CTNNA3: variants seen among roughly 807,000 people sequenced by gnomAD.
CTNNA3 encodes the protein catenin alpha-3.
In CTNNA3, 76 loss-of-function variants were observed where a neutral mutation model predicts 95.7. The ratio of observed to expected loss-of-function variants is 0.79; its 90% confidence interval spans 0.66 to 0.96. CTNNA3 has a LOEUF of 0.96. CTNNA3 is among the 40% of genes least tolerant of loss of function. The pLI is 0.00. For missense variants in CTNNA3, 1,191 were observed against 1,089.8 expected (o/e 1.09, Z -1.31); for synonymous variants, 431 against 374.4 (o/e 1.15, Z -1.74).
chr10:67,239,618 T>C lies in CTNNA3; in HGVS notation c.580-19748A>G, dbSNP rs907210031. Reference sequence around the variant, plus strand: ...TCATTGAACTGTTTATTTCACACTATGCATTTTTCTGAATGTATGTTATAC... The same window carrying C: ...TCATTGAACTGTTTATTTCACACTACGCATTTTTCTGAATGTATGTTATAC... On this transcript the variant is annotated intron_variant, in intron 5 of 17. Transcript: ENST00000433211. Among the ~76,000 whole-genome samples the C allele has an allele frequency of 2.0e-5, 3 of 152,306 alleles. No individual in the cohort carries two copies. The East Asian group carries it at 5.8e-4, about 29-fold the overall frequency.
At chr10:66,276,325 T>C (rs1412712055) in intron 13 of CTNNA3, among the ~76,000 whole-genome samples, 1 of 152,130 alleles carries the variant, frequency 6.6e-6, no homozygotes, top group Non-Finnish European at 1.5e-5. Context: ...ATGCCCGTTA[T>C]AGGAAAAATT....
chr10:67,034,729 T>C (rs969380774), intron 7 of CTNNA3, among the ~76,000 whole-genome samples: 2 of 152,214 alleles, frequency 1.3e-5, no homozygotes, highest in East Asian at 1.9e-4. Context: ...AAACTGACTC[T>C]CTAGTGGCTG....
chr10:66,911,335 C>T (rs191005796), intron 7 of CTNNA3, among the ~76,000 whole-genome samples: 143 of 152,102 alleles, frequency 9.4e-4, no homozygotes, highest in African/African-American at 3.2e-3. Context: ...TTTTGGATGG[C>T]GAGATCATGG....
chr10:67,416,054 A>G (rs758184346), intron 5 of CTNNA3, among the ~76,000 whole-genome samples: 48 of 152,144 alleles, frequency 3.2e-4, no homozygotes, highest in Non-Finnish European at 6.6e-4. Flanking sequence ...CTAGAAGAAA[A>G]CCCAGGAAAT....
At chr10:66,978,083 CACACACACAT>C (rs1478834933) in intron 7 of CTNNA3, among the ~76,000 whole-genome samples, 8 of 151,620 alleles carry the variant, frequency 5.3e-5, no homozygotes, top group African/African-American at 1.5e-4. Context: ...CACACACACA[CACACACACAT>C]GCGATGACGT....
chr10:66,387,558 C>T (rs761217822), intron 11 of CTNNA3, among the ~76,000 whole-genome samples: 9 of 152,198 alleles, frequency 5.9e-5, no homozygotes, highest in Non-Finnish European at 1.0e-4. Flanking sequence ...GGATCTAGAA[C>T]TAGAATTACC....
At chr10:66,752,872 TG>T (rs1839206573) in intron 9 of CTNNA3, among the ~76,000 whole-genome samples, 1 of 151,428 alleles carries the variant, frequency 6.6e-6, no homozygotes, top group Non-Finnish European at 1.5e-5. Flanking sequence ...ACACACACAC[TG>T]TATGAACAAG....
intron 3 of CTNNA3, among the ~76,000 whole-genome samples, chr10:67,584,997 C>T (rs1398134165): frequency 1.3e-5 from 2 of 152,204 alleles, no homozygotes; most frequent in African/African-American, 4.8e-5. Flanking sequence ...AGTGAATTCC[C>T]CAAGCCCTTG....
At chr10:67,322,445 TAGCTCCCACTTATA>T (rs1330823936) in intron 5 of CTNNA3, among the ~76,000 whole-genome samples, 2 of 152,168 alleles carry the variant, frequency 1.3e-5, no homozygotes. Context: ...TCTCATCATT[TAGCTCCCACTTATA>T]AGTGAGAACA....
chr10:66,806,918 C>T (rs1425745281), intron 7 of CTNNA3, among the ~76,000 whole-genome samples: 2 of 151,798 alleles, frequency 1.3e-5, no homozygotes, highest in Admixed American at 1.3e-4. Context: ...TTGAGAGAGA[C>T]ATCTATGTTG....
intron 11 of CTNNA3, among the ~76,000 whole-genome samples, chr10:66,461,585 A>G (rs1208964501): frequency 6.6e-6 from 1 of 151,562 alleles, no homozygotes; most frequent in South Asian, 2.1e-4. Flanking sequence ...TTCTTAAGGG[A>G]TTATTAGGTG....
intron 1 of CTNNA3, among the ~76,000 whole-genome samples, chr10:67,675,001 C>G (rs373218488): frequency 3.3e-5 from 5 of 152,056 alleles, no homozygotes; most frequent in African/African-American, 1.2e-4. Context: ...ACATTAATAT[C>G]TACCAATTTA....
intron 13 of CTNNA3, among the ~76,000 whole-genome samples, chr10:66,202,068 G>A (rs12411441): frequency 0.17 from 25,264 of 152,022 alleles, 2,374 homozygotes; most frequent in Admixed American, 0.25. Context: ...ATTATGGTGC[G>A]AGCCACCACA....
At chr10:67,528,846 C>A (rs79564545) in intron 4 of CTNNA3, among the ~76,000 whole-genome samples, 3 of 152,194 alleles carry the variant, frequency 2.0e-5, no homozygotes, top group African/African-American at 7.2e-5. Flanking sequence ...TGGAAAGATG[C>A]TGATTCCTTC....
intron 13 of CTNNA3, among the ~76,000 whole-genome samples, chr10:66,199,747 G>A (rs573746792): frequency 2.4e-4 from 30 of 124,328 alleles, no homozygotes; most frequent in East Asian, 4.4e-4. Context: ...GATTACAGGC[G>A]TGTGCCACCA....
intron 15 of CTNNA3, among the ~76,000 whole-genome samples, chr10:66,037,267 A>G (rs548692757): frequency 7.5e-4 from 114 of 152,320 alleles, no homozygotes; most frequent in South Asian, 5.2e-3. Flanking sequence ...TTTGCCCTTC[A>G]GGGTCAGAAT....
In CTNNA3 at chr10:66,451,253, G is replaced by A. The variant is rs2093461953; in HGVS notation, c.1531+69364C>T. ...CGTAAGTAGCTATAACAAATATTTAGTGAACAGTTACTATGTGCAAGACAC... is the reference window on the plus strand; with the variant it reads ...CGTAAGTAGCTATAACAAATATTTAATGAACAGTTACTATGTGCAAGACAC... On this transcript the variant is annotated intron_variant, in intron 11 of 17. Transcript: ENST00000433211. Among the ~76,000 whole-genome samples, 3 of 152,154 alleles carry A rather than the reference G, an allele frequency of 2.0e-5. No homozygotes were observed. In the South Asian group the frequency reaches 6.2e-4, roughly 32 times the overall value.
At chr10:67,494,574 A>G (rs1054819830) in intron 5 of CTNNA3, among the ~76,000 whole-genome samples, 3 of 152,158 alleles carry the variant, frequency 2.0e-5, no homozygotes, top group African/African-American at 7.2e-5. Context: ...TTGAATGTGT[A>G]TTGTGGAGGC....
At chr10:66,725,090 T>G (rs1006360476) in intron 9 of CTNNA3, among the ~76,000 whole-genome samples, 1 of 152,156 alleles carries the variant, frequency 6.6e-6, no homozygotes. Context: ...GTATGTGTTA[T>G]GCAAAATAGT....
Sources: allele counts gnomAD v4.1 joint callset (sites outside exome capture counted in the v4.1 genomes callset), GRCh38; gene constraint gnomAD v4.1.1; transcripts MANE v1.5; gene names NCBI Gene and HGNC (gene_info 2026-07-23, HGNC 2026-07-21).